Variants in AOPEP observed in about 807,000 individuals in gnomAD.
The protein encoded by AOPEP is aminopeptidase O.
In AOPEP, 77 loss-of-function variants were observed where a neutral mutation model predicts 98.1. That is an observed-to-expected ratio of 0.78 (90% CI 0.65 to 0.95). The LOEUF (loss-of-function observed/expected upper bound fraction) is 0.95, where lower values mean the gene tolerates loss of function less well. AOPEP is among the 40% of genes least tolerant of loss of function. The pLI is 0.00. For synonymous variants in AOPEP, 346 were observed against 365.3 expected (o/e 0.95, Z 0.60); for missense variants, 1,024 against 1,024.7 (o/e 1.00, Z 0.01).
At chr9:94,827,806 G>A (rs908463296) in intron 5 of AOPEP, among the ~76,000 whole-genome samples, 11 of 152,192 alleles carry the variant, frequency 7.2e-5, no homozygotes, top group Admixed American at 2.0e-4. Context: ...TACTTTGTGT[G>A]TGCCTGTTCA....
At chr9:95,085,870 G>A (rs548307582) in intron 16 of AOPEP, 55 of 1,186,836 alleles carry the variant, frequency 4.6e-5, no homozygotes, top group African/African-American at 9.6e-5. Flanking sequence ...GGGGCGGGGC[G>A]GGGCTTTCGG....
At chr9:95,114,678 T>G in the AOPEP span, 1 of 1,614,184 alleles carries the variant, frequency 6.2e-7, no homozygotes, top group Non-Finnish European at 8.5e-7. Flanking sequence ...GAAATATGCT[T>G]CAGTGTCTGG....
At chr9:94,800,291 C>A (rs980435198) in intron 4 of AOPEP, among the ~76,000 whole-genome samples, 4 of 152,054 alleles carry the variant, frequency 2.6e-5, no homozygotes, top group African/African-American at 7.2e-5. Context: ...TCCCTCAGTC[C>A]AAGTCTTTTA....
intron 7 of AOPEP, among the ~76,000 whole-genome samples, chr9:94,938,497 G>A (rs1388188151): frequency 6.6e-6 from 1 of 152,226 alleles, no homozygotes; most frequent in Non-Finnish European, 1.5e-5. Flanking sequence ...AGCTGGGATA[G>A]TAAGAAAGGA....
At chr9:94,926,882 T>A (rs1377741316) in intron 6 of AOPEP, among the ~76,000 whole-genome samples, 1 of 152,192 alleles carries the variant, frequency 6.6e-6, no homozygotes, top group Non-Finnish European at 1.5e-5. Flanking sequence ...CCGCAGGGAT[T>A]TGTGAATCAA....
intron 13 of AOPEP, among the ~76,000 whole-genome samples, chr9:95,051,483 G>C (rs953153841): frequency 2.6e-5 from 4 of 151,990 alleles, no homozygotes; most frequent in Admixed American, 6.5e-5. Context: ...CAAAGGGAGA[G>C]ATCTTTCTAA....
intron 11 of AOPEP, among the ~76,000 whole-genome samples, chr9:94,996,394 G>C (rs71498686): frequency 6.7e-6 from 1 of 148,852 alleles, no homozygotes; most frequent in Non-Finnish European, 1.5e-5. Context: ...GTGTGTGTGA[G>C]AGAGAGATTT....
Position 94,955,169 on chromosome 9 carries a change from C to T in AOPEP, c.1662-8C>T, listed in dbSNP as rs1416043963. On this transcript the variant is annotated splice_polypyrimidine_tract_variant and splice_region_variant and intron_variant, in intron 7 of 16. Transcript: ENST00000375315. ...ATACTTAAATAAATTGTTACTAAAT[C>T]GTTTTAGACCCAGTAAAGACAAAAC... 3.3e-6 allele frequency: 5 copies of T among 1,536,228 alleles called. No homozygotes were observed. Among genetic ancestry groups the T allele is most frequent in the African/African-American group, 1.4e-5 (1 of 72,852 alleles).
At chr9:95,095,899 A>T in the AOPEP span, among the ~76,000 whole-genome samples, 1 of 152,218 alleles carries the variant, frequency 6.6e-6, no homozygotes, top group African/African-American at 2.4e-5. Context: ...CCATCTGCAA[A>T]CCACTGAGGA....
chr9:94,793,851 C>G (rs1476966653), intron 4 of AOPEP, among the ~76,000 whole-genome samples: 1 of 152,216 alleles, frequency 6.6e-6, no homozygotes, highest in Non-Finnish European at 1.5e-5. Context: ...AATGCCTCCT[C>G]TCCTCCCATA....
chr9:95,044,147 A>G (rs1414101817), intron 13 of AOPEP, among the ~76,000 whole-genome samples: 1 of 152,206 alleles, frequency 6.6e-6, no homozygotes, highest in Non-Finnish European at 1.5e-5. Flanking sequence ...TCCTAGGGAA[A>G]ATGTCCCTGA....
chr9:94,855,672 C>G (rs140387203), intron 5 of AOPEP, among the ~76,000 whole-genome samples: 4,155 of 152,002 alleles, frequency 0.027, 184 homozygotes, highest in African/African-American at 0.095. Context: ...GCCTGGGCAA[C>G]AAGAACGAAA....
In AOPEP at chr9:94,813,907, G is replaced by A. The variant is rs77381009; in HGVS notation, c.1364+12905G>A. 3.7e-3 allele frequency among the ~76,000 whole-genome samples: 564 copies of A among 152,224 alleles called. 29 individuals are homozygous for A. The East Asian group carries it at 0.083, about 22-fold the overall frequency. On this transcript the variant is annotated intron_variant, in intron 5 of 16. Transcript: ENST00000375315. ...TGGCTGTGTTCAGGCTCTTGACACC[G>A]CCACAAGAAGGAATTCAAGGACAAG... is the stretch of plus-strand genomic sequence containing the variant.
At chr9:95,124,741 A>G in the AOPEP span, among the ~76,000 whole-genome samples, 1 of 152,148 alleles carries the variant, frequency 6.6e-6, no homozygotes, top group Non-Finnish European at 1.5e-5. Context: ...CCTCCTGCTG[A>G]CCTGGGAGGC....
intron 16 of AOPEP, chr9:95,085,910 ACT>A (rs922634865): frequency 5.7e-6 from 7 of 1,228,370 alleles, no homozygotes; most frequent in South Asian, 2.9e-5. Flanking sequence ...GGCGCGGTGA[ACT>A]CTCTCTTGTA....
At chr9:95,117,488 C>T in the AOPEP span, 1 of 869,308 alleles carries the variant, frequency 1.2e-6, no homozygotes, top group African/African-American at 1.7e-5. Context: ...AAAAGACCCA[C>T]CAGTACTAAC....
intron 5 of AOPEP, among the ~76,000 whole-genome samples, chr9:94,837,018 A>G (rs1296469352): frequency 6.6e-6 from 1 of 152,200 alleles, no homozygotes; most frequent in African/African-American, 2.4e-5. Flanking sequence ...TAGCAAGATT[A>G]ACCAAGAAAA....
intron 9 of AOPEP, among the ~76,000 whole-genome samples, chr9:94,966,147 G>C: frequency 6.7e-6 from 1 of 150,280 alleles, no homozygotes; most frequent in Non-Finnish European, 1.5e-5. Context: ...GCTTCGGTCT[G>C]CAGTTCACTG....
At chr9:94,821,149 GT>G (rs1450310724) in intron 5 of AOPEP, among the ~76,000 whole-genome samples, 2 of 141,600 alleles carry the variant, frequency 1.4e-5, no homozygotes, top group African/African-American at 5.1e-5. Context: ...GTTAAGAGAA[GT>G]AAGTATTATT....
Sources: allele counts gnomAD v4.1 joint callset (sites outside exome capture counted in the v4.1 genomes callset), GRCh38; gene constraint gnomAD v4.1.1; transcripts MANE v1.5; gene names NCBI Gene and HGNC (gene_info 2026-07-23, HGNC 2026-07-21).